The following GHR variants were observed in gnomAD, a reference collection of about 807,000 sequenced individuals.
The protein encoded by GHR is GH receptor.
In GHR, 35 loss-of-function variants were observed where a neutral mutation model predicts 67.1. That is an observed-to-expected ratio of 0.52 (90% CI 0.40 to 0.69). The LOEUF (loss-of-function observed/expected upper bound fraction) is 0.69, where lower values mean the gene tolerates loss of function less well. GHR is among the 30% of genes least tolerant of loss of function. The pLI is 0.00. For missense variants in GHR, 792 were observed against 764.6 expected (o/e 1.04, Z -0.42); for synonymous variants, 272 against 269.1 (o/e 1.01, Z -0.10).
In GHR at chr5:42,593,581, T is replaced by G. The variant is rs141769590; in HGVS notation, c.70+27637T>G. On this transcript the variant is annotated intron_variant, in intron 2 of 9. Transcript: ENST00000230882. ...TATACCTTATCTTGGTACAGCTACC[T>G]CCTAAGGAGGCCCATCTGTGCTGTT... is the stretch of plus-strand genomic sequence containing the variant. Among the ~76,000 whole-genome samples, 743 of 152,276 alleles carry G rather than the reference T, an allele frequency of 4.9e-3. 3 individuals carry two copies. The highest frequency in any genetic ancestry group is 8.2e-3 in the Admixed American group (125 of 15,288).
intron 2 of GHR, among the ~76,000 whole-genome samples, chr5:42,620,303 T>G (rs1753378463): frequency 6.6e-6 from 1 of 152,130 alleles, no homozygotes; most frequent in South Asian, 2.1e-4. Flanking sequence ...CTCACAACAT[T>G]TTTTGAAAGT....
At chr5:42,551,353 G>A (rs1489389353) in intron 1 of GHR, among the ~76,000 whole-genome samples, 1 of 152,200 alleles carries the variant, frequency 6.6e-6, no homozygotes, top group African/African-American at 2.4e-5. Context: ...TGGGGAGTCT[G>A]GAAGGCTTCA....
At position 42,718,960 on chromosome 5, in the gene GHR, G is replaced by A. The variant is rs1009695851; in HGVS notation, c.1453G>A (p.Asp485Asn). 4.3e-6 allele frequency: 7 copies of A among 1,613,256 alleles called. No individual in the cohort carries two copies. In the Admixed American group the frequency reaches 1.0e-4, roughly 23 times the overall value. The part of the protein sequence containing the change: ...LSNPSSLSNI[D>N]FYAQVSDITP... ...CAATCCAAGTTCACTGTCAAACATC[G>A]ACTTTTATGCCCAGGTGAGCGACAT... Residue 485 changes from aspartate to asparagine, a missense_variant, in exon 10 of 10, where the codon GAC (aspartate) becomes AAC (asparagine). By Grantham distance (23) the Asp-to-Asn change is conservative. Transcript: ENST00000230882.
rs535287172 is a variant in GHR, at chr5:42,467,542, C to T, written c.-12+43587C>T. The T allele has an allele frequency of 6.1e-5, 86 of 1,404,814 alleles. 1 individual carries two copies. The South Asian group carries it at 9.5e-4, about 16-fold the overall frequency. The allele number at this position is 1,404,814 out of a possible 1,614,324, so 87.0% of individuals were successfully genotyped here. On this transcript the variant is annotated intron_variant, in intron 1 of 9. Transcript: ENST00000230882. ...ATAACTAAAGGCTTTCTCACATTTA[C>T]TACGCCTAAAGGTTTTTTCTAAGGA...
chr5:42,652,061 T>C (rs760990791), intron 3 of GHR, among the ~76,000 whole-genome samples: 4 of 152,282 alleles, frequency 2.6e-5, no homozygotes, highest in Non-Finnish European at 5.9e-5. Context: ...ACCAGAGGAA[T>C]GTTCAAAAGT....
chr5:42,481,818 A>G (rs1391160755), intron 1 of GHR, among the ~76,000 whole-genome samples: 1 of 152,046 alleles, frequency 6.6e-6, no homozygotes, highest in East Asian at 1.9e-4. Context: ...CTTCTTTGCC[A>G]TTGGCTCAAA....
At chr5:42,560,999 C>A (rs968594394) in intron 1 of GHR, among the ~76,000 whole-genome samples, 4 of 152,186 alleles carry the variant, frequency 2.6e-5, no homozygotes, top group Non-Finnish European at 5.9e-5. Context: ...TTAATCTGGT[C>A]CTACCTCGCC....
intron 1 of GHR, among the ~76,000 whole-genome samples, chr5:42,530,473 AT>A (rs1747916132): frequency 6.6e-6 from 1 of 152,204 alleles, no homozygotes; most frequent in African/African-American, 2.4e-5. Context: ...AAGATGAGCC[AT>A]GGTTGTAATT....
chr5:42,597,473 T>C (rs1752133575), intron 2 of GHR, among the ~76,000 whole-genome samples: 1 of 152,140 alleles, frequency 6.6e-6, no homozygotes, highest in Non-Finnish European at 1.5e-5. Context: ...CACCACTAGG[T>C]AAGAACAGCC....
At chr5:42,457,146 G>T (rs1362318659) in intron 1 of GHR, among the ~76,000 whole-genome samples, 1 of 152,130 alleles carries the variant, frequency 6.6e-6, no homozygotes, top group East Asian at 1.9e-4. Flanking sequence ...TCATCTTCAT[G>T]GTTTCTTGCT....
chr5:42,717,820 A>G (rs901753886), intron 8 of GHR, among the ~76,000 whole-genome samples: 1 of 152,130 alleles, frequency 6.6e-6, no homozygotes, highest in Non-Finnish European at 1.5e-5. Flanking sequence ...CTTTTAATAG[A>G]CTTCAGATGA....
At chr5:42,480,712 C>G (rs890536456) in intron 1 of GHR, among the ~76,000 whole-genome samples, 1 of 152,152 alleles carries the variant, frequency 6.6e-6, no homozygotes, top group Non-Finnish European at 1.5e-5. Flanking sequence ...ATTGCAACCC[C>G]TGCCTTTTTC....
At chr5:42,581,197 C>T (rs1378520936) in intron 2 of GHR, among the ~76,000 whole-genome samples, 3 of 152,212 alleles carry the variant, frequency 2.0e-5, no homozygotes, top group Non-Finnish European at 4.4e-5. Context: ...AGGCACTGCA[C>T]ATTATGATGG....
chr5:42,628,991 T>C, intron 2 of GHR, 47 bp from the exon 3 acceptor site: 1 of 1,049,304 alleles, frequency 9.5e-7, no homozygotes, highest in Non-Finnish European at 1.4e-6. Flanking sequence ...TCATATCAGA[T>C]TGTTTTGATG....
At chr5:42,625,739 T>G (rs1399820215) in intron 2 of GHR, among the ~76,000 whole-genome samples, 1 of 140,288 alleles carries the variant, frequency 7.1e-6, no homozygotes, top group Non-Finnish European at 1.7e-5. Context: ...TGGAAAGGAC[T>G]ATTCAGGTTA....
chr5:42,640,793 T>C (rs2112787980), intron 3 of GHR, among the ~76,000 whole-genome samples: 1 of 151,980 alleles, frequency 6.6e-6, no homozygotes, highest in African/African-American at 2.4e-5. Flanking sequence ...TATCTTTTAA[T>C]TGCCATGTAT....
chr5:42,697,808 C>T (rs1042788875), intron 5 of GHR, among the ~76,000 whole-genome samples: 1 of 152,110 alleles, frequency 6.6e-6, no homozygotes, highest in East Asian at 1.9e-4. Flanking sequence ...TGTGTCAGTT[C>T]GCTTGAGGAT....
intron 3 of GHR, chr5:42,647,923 A>G (rs1754825260): frequency 5.5e-6 from 1 of 182,280 alleles, no homozygotes; most frequent in African/African-American, 2.4e-5. Context: ...AGCATTCTAT[A>G]TCATGACTGA....
chr5:42,612,633 ATCTG>A (rs1328555040), intron 2 of GHR, among the ~76,000 whole-genome samples: 1 of 152,124 alleles, frequency 6.6e-6, no homozygotes, highest in East Asian at 1.9e-4. Flanking sequence ...TTCTCTTATT[ATCTG>A]TATTCTCAGA....
Sources: allele counts gnomAD v4.1 joint callset (sites outside exome capture counted in the v4.1 genomes callset), GRCh38; gene constraint gnomAD v4.1.1; transcripts MANE v1.5; gene names NCBI Gene and HGNC (gene_info 2026-07-23, HGNC 2026-07-21).